Variants in ERC2 observed in about 807,000 individuals in gnomAD.
ERC2 encodes the protein ELKS/RAB6-interacting/CAST family member 2, also known as ERC protein 2.
ERC2 carries 42 observed loss-of-function variants against 114.8 expected under a neutral mutation model. The observed-to-expected ratio is 0.37, with a 90% CI of 0.29 to 0.47. The LOEUF (loss-of-function observed/expected upper bound fraction) is 0.47, where lower values mean the gene tolerates loss of function less well. Ranked by LOEUF, ERC2 falls within the 20% of genes least tolerant of loss-of-function variation. The pLI is 0.99. For missense variants in ERC2, 939 were observed against 1,150.7 expected (o/e 0.82, Z 2.66); for synonymous variants, 454 against 425.5 (o/e 1.07, Z -0.82).
At chr3:55,772,893 C>A (rs2068329482) in intron 14 of ERC2, among the ~76,000 whole-genome samples, 1 of 152,182 alleles carries the variant, frequency 6.6e-6, no homozygotes. Flanking sequence ...CACATCCAAT[C>A]CTTCAGCATT....
At chr3:56,223,757 T>C (rs2050079522) in intron 3 of ERC2, among the ~76,000 whole-genome samples, 1 of 152,184 alleles carries the variant, frequency 6.6e-6, no homozygotes, top group Admixed American at 6.5e-5. Context: ...TATCTTAGGA[T>C]CCTTATTCTC....
intron 4 of ERC2, among the ~76,000 whole-genome samples, chr3:56,165,439 T>C (rs973864346): frequency 4.0e-5 from 6 of 151,766 alleles, no homozygotes; most frequent in Admixed American, 3.9e-4. Flanking sequence ...CATCTAGCAT[T>C]AGGTATATCT....
chr3:56,277,217 T>C (rs1018026688), intron 3 of ERC2, among the ~76,000 whole-genome samples: 6 of 152,166 alleles, frequency 3.9e-5, no homozygotes, highest in Admixed American at 3.9e-4. Context: ...AATATTTCCT[T>C]CTCAGTTTTT....
At chr3:56,068,247 T>C (rs1560117946) in intron 7 of ERC2, among the ~76,000 whole-genome samples, 1 of 152,222 alleles carries the variant, frequency 6.6e-6, no homozygotes, top group Admixed American at 6.5e-5. Context: ...GGATTTGACT[T>C]CTTCCTGGTT....
chr3:55,894,499 T>C (rs2063751699), intron 13 of ERC2, among the ~76,000 whole-genome samples: 1 of 152,224 alleles, frequency 6.6e-6, no homozygotes, highest in African/African-American at 2.4e-5. Flanking sequence ...GTACGTTGCA[T>C]GTGGGAATTG....
intron 14 of ERC2, among the ~76,000 whole-genome samples, chr3:55,757,340 A>G (rs1495363): frequency 0.2 from 29,955 of 152,078 alleles, 3,258 homozygotes; most frequent in Admixed American, 0.3. Flanking sequence ...GAGAACTGGA[A>G]AAGGATGTCC....
chr3:55,896,221 G>A (rs1051836813), intron 13 of ERC2, among the ~76,000 whole-genome samples: 1 of 152,208 alleles, frequency 6.6e-6, no homozygotes, highest in Non-Finnish European at 1.5e-5. Context: ...CAGGGAAGTT[G>A]GGAATCAACA....
Position 55,663,252 on chromosome 3 carries a change from T to A in ERC2, c.*39+20542A>T, listed in dbSNP as rs1337564803. On this transcript the variant is annotated intron_variant, in intron 17 of 17. Transcript: ENST00000288221. ...CAAAAAACAGACCTTAAAAACTAAATCCTAACCCTACACAGCCCCTGGAAT... is the reference window on the plus strand; with the variant it reads ...CAAAAAACAGACCTTAAAAACTAAAACCTAACCCTACACAGCCCCTGGAAT... Among the ~76,000 whole-genome samples, 5 of 152,074 alleles carry A rather than the reference T, an allele frequency of 3.3e-5. No individual in the cohort carries two copies. The East Asian group carries it at 9.6e-4, about 29-fold the overall frequency.
chr3:56,443,277 G>A (rs957449484), intron 1 of ERC2, among the ~76,000 whole-genome samples: 3 of 152,126 alleles, frequency 2.0e-5, no homozygotes, highest in African/African-American at 7.2e-5. Flanking sequence ...AAATCAAACA[G>A]GAAATTCACA....
intron 6 of ERC2, among the ~76,000 whole-genome samples, chr3:56,120,024 AG>A (rs1174778319): frequency 6.6e-6 from 1 of 152,210 alleles, no homozygotes; most frequent in Non-Finnish European, 1.5e-5. Flanking sequence ...AATGCTCAAA[AG>A]TTTTCTTTGG....
intron 3 of ERC2, among the ~76,000 whole-genome samples, chr3:56,216,872 C>T (rs149500194): frequency 0.044 from 6,661 of 152,262 alleles, 202 homozygotes; most frequent in African/African-American, 0.082. Flanking sequence ...AGCATATAAA[C>T]AGAACCAAAG....
At chr3:55,813,205 C>T (rs2059787707) in intron 14 of ERC2, among the ~76,000 whole-genome samples, 1 of 152,200 alleles carries the variant, frequency 6.6e-6, no homozygotes, top group Non-Finnish European at 1.5e-5. Context: ...CCTTCTCAGG[C>T]TATACTAGTT....
chr3:56,108,066 G>T (rs932980696), intron 6 of ERC2, among the ~76,000 whole-genome samples: 2 of 152,076 alleles, frequency 1.3e-5, no homozygotes, highest in South Asian at 2.1e-4. Context: ...TAACAAAAAG[G>T]CTTTCACCTA....
chr3:55,821,200 T>A (rs72877142), intron 14 of ERC2, among the ~76,000 whole-genome samples: 7,569 of 152,254 alleles, frequency 0.05, 229 homozygotes, highest in African/African-American at 0.086. Context: ...ACCCTACTGT[T>A]CCTCCAGATG....
intron 3 of ERC2, among the ~76,000 whole-genome samples, chr3:56,294,266 T>G (rs1027877371): frequency 2.0e-5 from 3 of 152,246 alleles, no homozygotes; most frequent in Admixed American, 1.3e-4. Flanking sequence ...TTGAGCAGCT[T>G]AAAAGAGTAC....
At chr3:55,947,515 T>C (rs1368516723) in intron 13 of ERC2, among the ~76,000 whole-genome samples, 5 of 152,156 alleles carry the variant, frequency 3.3e-5, no homozygotes, top group Non-Finnish European at 5.9e-5. Context: ...AAAATCACAA[T>C]ATCAGTTCAA....
intron 3 of ERC2, among the ~76,000 whole-genome samples, chr3:56,217,134 G>A (rs1185493517): frequency 1.3e-5 from 2 of 152,124 alleles, no homozygotes; most frequent in African/African-American, 4.8e-5. Flanking sequence ...TGGAAGTTCT[G>A]GCCAGGGCAA....
At chr3:55,925,548 C>T (rs2065696489) in intron 13 of ERC2, among the ~76,000 whole-genome samples, 1 of 152,136 alleles carries the variant, frequency 6.6e-6, no homozygotes, top group African/African-American at 2.4e-5. Flanking sequence ...AAGGGTGGCT[C>T]AGATTTCTGT....
intron 3 of ERC2, among the ~76,000 whole-genome samples, chr3:56,232,462 AT>A (rs893062492): frequency 6.6e-6 from 1 of 152,024 alleles, no homozygotes; most frequent in African/African-American, 2.4e-5. Flanking sequence ...ACAATCTATA[AT>A]TTTCCTTCTT....
Sources: allele counts gnomAD v4.1 joint callset (sites outside exome capture counted in the v4.1 genomes callset), GRCh38; gene constraint gnomAD v4.1.1; transcripts MANE v1.5; gene names NCBI Gene and HGNC (gene_info 2026-07-23, HGNC 2026-07-21).